The following RYR3 variants were observed in gnomAD, a reference collection of about 807,000 sequenced individuals.
RYR3 encodes ryanodine receptor 3.
A neutral mutation model predicts 584.3 loss-of-function variants in RYR3; 207 were observed. That is an observed-to-expected ratio of 0.35 (90% CI 0.32 to 0.40). RYR3 has a LOEUF of 0.40. Ranked by LOEUF, RYR3 falls within the 10% of genes least tolerant of loss-of-function variation. The pLI is 1.00. For synonymous variants in RYR3, 2,416 were observed against 2,248.5 expected, an observed-to-expected ratio of 1.07 and a Z score of -2.11; for missense variants, 5,616 against 6,089.2, an observed-to-expected ratio of 0.92 and a Z score of 2.59.
Position 33,736,430 on chromosome 15 carries a change from G to C in RYR3, c.7515+105G>C, listed in dbSNP as rs930309113. On this transcript the variant is annotated intron_variant, in intron 49 of 103. Coordinates refer to ENST00000634891, the MANE Select transcript of RYR3 (RefSeq NM_001036.6). Reference sequence around the variant, plus strand: ...AGAAGGAAAAATACATGCTAAATGGGTTTTACTCCCTTAAGTTGATGGTTA... The same window carrying C: ...AGAAGGAAAAATACATGCTAAATGGCTTTTACTCCCTTAAGTTGATGGTTA... 9.4e-6 allele frequency: 7 copies of C among 745,312 alleles called. No individual in the cohort carries two copies. The South Asian group carries it at 1.0e-4, about 11-fold the overall frequency. 46.2% of individuals were successfully genotyped at this position (745,312 alleles called of 1,614,324 possible). A position where few individuals can be genotyped will look rare whatever the true frequency, so the allele number is the denominator to read the frequency against.
intron 48 of RYR3, among the ~76,000 whole-genome samples, chr15:33,732,044 C>T (rs2152822893): frequency 6.6e-6 from 1 of 152,286 alleles, no homozygotes; most frequent in Admixed American, 6.5e-5. Context: ...CTGTCCTCTA[C>T]ATGAGCATAT....
intron 1 of RYR3, among the ~76,000 whole-genome samples, chr15:33,354,470 C>A (rs1973694857): frequency 6.6e-6 from 1 of 152,224 alleles, no homozygotes; most frequent in Non-Finnish European, 1.5e-5. Context: ...TGCTCAAAGT[C>A]ATTTCAAAAT....
At position 33,597,147 on chromosome 15, in the gene RYR3, G is replaced by C. The variant is rs149781870; in HGVS notation, c.1789-4272G>C. On this transcript the variant is annotated intron_variant, in intron 16 of 103. Transcript: ENST00000634891. ...ACAAAAGCAAAGATTATTCTGTTTT[G>C]GGCTGGGCTTGTAGTTTTGTAACCC... is the stretch of plus-strand genomic sequence containing the variant. 7.3e-3 allele frequency among the ~76,000 whole-genome samples: 1,105 copies of C among 152,160 alleles called. 9 individuals carry two copies. The highest frequency in any genetic ancestry group is 0.025 in the African/African-American group (1,041 of 41,516).
At position 33,328,882 on chromosome 15, in the gene RYR3, C is replaced by T. The variant is rs552742034; in HGVS notation, c.51+17786C>T. Among the ~76,000 whole-genome samples the T allele has an allele frequency of 7.2e-5, 11 of 152,296 alleles. No individual in the cohort carries two copies. The South Asian group carries it at 2.3e-3, about 32-fold the overall frequency. On this transcript the variant is annotated intron_variant, in intron 1 of 103. Coordinates refer to ENST00000634891, the MANE Select transcript of RYR3 (RefSeq NM_001036.6). ...AGCTTGTGGTTTTATTTTCCTCTTT[C>T]TCCCCCTTTTCCCTTGTTTTCAGAT...
intron 62 of RYR3, among the ~76,000 whole-genome samples, chr15:33,770,597 A>G (rs1176766449): frequency 6.6e-6 from 1 of 152,156 alleles, no homozygotes; most frequent in Non-Finnish European, 1.5e-5. Flanking sequence ...AAAAATTTTA[A>G]AAATTATCCA....
intron 6 of RYR3, 43 bp downstream of exon 6, chr15:33,539,505 T>C: frequency 7.6e-7 from 1 of 1,312,950 alleles, no homozygotes. Flanking sequence ...TTCAGAAATT[T>C]TTCCTTTAGG....
rs115921294 is a variant in RYR3 at position 33,530,732 on chromosome 15, A to G, written c.354+66A>G. On this transcript the variant is annotated intron_variant, in intron 4 of 103. Coordinates refer to ENST00000634891, the MANE Select transcript of RYR3 (RefSeq NM_001036.6). ...GGAAAAACTGAAGAGGGGGAAATAC[A>G]GGAAGCCAGCAATAACAACGTAACA... is the stretch of plus-strand genomic sequence containing the variant. 5,030 of 1,189,514 alleles carry G rather than the reference A, an allele frequency of 4.2e-3. 144 individuals are homozygous for G. In the African/African-American group the frequency reaches 0.066, roughly 16 times the overall value. 73.7% of individuals were successfully genotyped at this position (1,189,514 alleles called of 1,614,324 possible). A position where few individuals can be genotyped will look rare whatever the true frequency, so the allele number is the denominator to read the frequency against.
At chr15:33,600,552 C>G (rs2059607804) in intron 16 of RYR3, among the ~76,000 whole-genome samples, 1 of 151,978 alleles carries the variant, frequency 6.6e-6, no homozygotes, top group Admixed American at 6.6e-5. Flanking sequence ...ACAAGGCAGA[C>G]AGAGACTGTT....
chr15:33,794,143 CATAA>C (rs1567184562), intron 67 of RYR3, among the ~76,000 whole-genome samples: 1 of 111,808 alleles, frequency 8.9e-6, no homozygotes, highest in African/African-American at 3.0e-5. Context: ...ATATAATATA[CATAA>C]ATATATAATA....
chr15:33,409,697 C>T (rs2043271587), intron 1 of RYR3, among the ~76,000 whole-genome samples: 1 of 152,202 alleles, frequency 6.6e-6, no homozygotes, highest in Admixed American at 6.5e-5. Context: ...TCTGTTTCAT[C>T]TTGGCCAGAG....
At chr15:33,470,828 A>C (rs2142193495) in intron 1 of RYR3, among the ~76,000 whole-genome samples, 1 of 152,342 alleles carries the variant, frequency 6.6e-6, no homozygotes, top group Admixed American at 6.5e-5. Flanking sequence ...AAGAATTTGC[A>C]GCCTTCGAGT....
At chr15:33,775,941 G>C (rs1290152053) in intron 64 of RYR3, among the ~76,000 whole-genome samples, 1 of 152,160 alleles carries the variant, frequency 6.6e-6, no homozygotes, top group Non-Finnish European at 1.5e-5. Context: ...GTCCTTACTT[G>C]ATTTGGTTTT....
intron 1 of RYR3, among the ~76,000 whole-genome samples, chr15:33,445,535 G>A (rs749819597): frequency 1.4e-5 from 2 of 143,390 alleles, no homozygotes; most frequent in Non-Finnish European, 3.1e-5. Flanking sequence ...GTAGACCTTA[G>A]ATTTAGTAAA....
rs570765033 is a variant in RYR3, at chr15:33,854,671, A to C, written c.13861-95A>C. On this transcript the variant is annotated intron_variant, in intron 97 of 103. Transcript: ENST00000634891. ...GCACCTCAGCACCTAAACCCCCTCTATCCTCAGTGTGTCTCCCAAAATAAG... is the reference window on the plus strand; with the variant it reads ...GCACCTCAGCACCTAAACCCCCTCTCTCCTCAGTGTGTCTCCCAAAATAAG... 675 of 1,478,364 alleles carry C rather than the reference A, an allele frequency of 4.6e-4. 5 individuals carry two copies. In the South Asian group the frequency reaches 8.7e-3, roughly 19 times the overall value. The allele number at this position is 1,478,364 out of a possible 1,614,324, so 91.6% of individuals were successfully genotyped here.
intron 3 of RYR3, among the ~76,000 whole-genome samples, chr15:33,516,484 C>G (rs1335989297): frequency 5.9e-5 from 9 of 152,022 alleles, no homozygotes; most frequent in African/African-American, 1.9e-4. Flanking sequence ...GCTGGGATTA[C>G]AGATGCCCAC....
chr15:33,662,458 T>G lies in RYR3; in HGVS notation c.4928T>G (p.Phe1643Cys), dbSNP rs1439458632. 4 of 1,613,946 alleles carry G rather than the reference T, an allele frequency of 2.5e-6. No homozygotes were observed. In the South Asian group the frequency reaches 4.4e-5, roughly 18 times the overall value. ...ITSTTRNIRL[F>C]PDESKRHGLP... ...AGCACCACCAGGAATATCCGCCTCT[T>G]CCCGGACGAGTCCAAGAGGCATGGA... Residue 1643 changes from phenylalanine (F) to cysteine (C), a missense_variant, in exon 35 of 104, where the codon TTC (phenylalanine) becomes TGC (cysteine). Transcript: ENST00000634891.
At chr15:33,635,938 G>A in intron 26 of RYR3, 119 bp downstream of exon 26, 1 of 811,996 alleles carries the variant, frequency 1.2e-6, no homozygotes, top group Non-Finnish European at 2.0e-6. Context: ...ACCACCACTG[G>A]CTAATGTAGA....
chr15:33,865,053 C>G (rs182662722), intron 103 of RYR3, 78 bp from the exon 104 acceptor site: 6 of 1,093,896 alleles, frequency 5.5e-6, no homozygotes, highest in Non-Finnish European at 8.3e-6. Flanking sequence ...TAAAGGGAGC[C>G]ACAAAGAACA....
chr15:33,845,181 T>C, intron 93 of RYR3, 119 bp downstream of exon 93: 2 of 907,620 alleles, frequency 2.2e-6, no homozygotes, highest in Non-Finnish European at 3.4e-6. Context: ...GTAAGGTCCG[T>C]AGAGCAGCAG....
Sources: allele counts gnomAD v4.1 joint callset (sites outside exome capture counted in the v4.1 genomes callset), GRCh38; gene constraint gnomAD v4.1.1; transcripts MANE v1.5; gene names NCBI Gene and HGNC (gene_info 2026-07-23, HGNC 2026-07-21).